Variants in HECW2 observed in about 807,000 individuals in gnomAD.
HECW2 encodes E3 ubiquitin-protein ligase HECW2.
HECW2 carries 61 observed loss-of-function variants against 175.2 expected under a neutral mutation model. The observed-to-expected ratio is 0.35, with a 90% CI of 0.28 to 0.43. The LOEUF (loss-of-function observed/expected upper bound fraction) is 0.43, where lower values mean the gene tolerates loss of function less well. Among genes scored for constraint, HECW2 ranks in the 20% least tolerant of loss-of-function variants. HECW2 has a pLI of 1.00. For missense variants in HECW2, 1,524 were observed against 2,000.5 expected (o/e 0.76, Z 4.54); for synonymous variants, 671 against 731.0 (o/e 0.92, Z 1.32).
intron 1 of HECW2, among the ~76,000 whole-genome samples, chr2:196,511,960 G>A (rs1344512387): frequency 6.6e-6 from 1 of 152,206 alleles, no homozygotes; most frequent in African/African-American, 2.4e-5. Flanking sequence ...GTTTTAGATG[G>A]TGTCCCTCAC....
intron 28 of HECW2, among the ~76,000 whole-genome samples, chr2:196,212,443 A>G (rs2105791665): frequency 6.6e-6 from 1 of 152,164 alleles, no homozygotes; most frequent in South Asian, 2.1e-4. Context: ...GAGAAGATGT[A>G]GTATTTGGTT....
At chr2:196,296,105 T>C (rs1314536846) in intron 13 of HECW2, among the ~76,000 whole-genome samples, 1 of 152,250 alleles carries the variant, frequency 6.6e-6, no homozygotes, top group African/African-American at 2.4e-5. Flanking sequence ...TAACTTCATA[T>C]GTTTATGCAA....
intron 10 of HECW2, chr2:196,316,523 C>T (rs1013776374): frequency 6.6e-6 from 1 of 152,106 alleles, no homozygotes; most frequent in Non-Finnish European, 1.5e-5. Context: ...GTTTACCAGG[C>T]TTTATCAATA....
intron 4 of HECW2, chr2:196,331,039 G>C: frequency 1.9e-6 from 1 of 517,720 alleles, no homozygotes; most frequent in Non-Finnish European, 2.5e-6. Context: ...AAGCAAAGTT[G>C]AGAAATTCCA....
Position 196,348,302 on chromosome 2 carries a change from T to C in HECW2, c.293-4538A>G, listed in dbSNP as rs967328748. ...TTCTTTTTTATCCTCATTTAGTACC[T>C]GTATGAGGTGATTTGGTTTTTTCAA... On this transcript the variant is annotated intron_variant, in intron 2 of 28. Transcript: ENST00000644978. Among the ~76,000 whole-genome samples the C allele has an allele frequency of 3.3e-5, 5 of 152,216 alleles. No homozygotes were observed. In the East Asian group the frequency reaches 9.7e-4, roughly 29 times the overall value.
At chr2:196,488,445 T>G (rs1378744193) in intron 1 of HECW2, among the ~76,000 whole-genome samples, 1 of 152,208 alleles carries the variant, frequency 6.6e-6, no homozygotes, top group Non-Finnish European at 1.5e-5. Flanking sequence ...ACTAACTGAA[T>G]GACAATGAGC....
intron 15 of HECW2, among the ~76,000 whole-genome samples, chr2:196,276,677 T>A (rs111913017): frequency 8.5e-5 from 13 of 152,308 alleles, no homozygotes; most frequent in African/African-American, 2.9e-4. Flanking sequence ...CACTAATGGG[T>A]TACATGACAG....
chr2:196,340,218 A>T (rs1256892930), intron 3 of HECW2, among the ~76,000 whole-genome samples: 2 of 152,216 alleles, frequency 1.3e-5, no homozygotes, highest in South Asian at 2.1e-4. Context: ...TTTAAAAAAA[A>T]GTTCCATGCA....
Position 196,301,530 on chromosome 2 carries a change from C to G in HECW2, c.2814+4958G>C, listed in dbSNP as rs539568827. Among the ~76,000 whole-genome samples the G allele has an allele frequency of 5.3e-5, 8 of 152,164 alleles. No individual in the cohort carries two copies. The South Asian group carries it at 1.7e-3, about 32-fold the overall frequency. ...GCATTTCTTTATCTCTGTAACTTCGCCAGCATCTGTTGTGTTCTTACTTTT... is the reference window on the plus strand; with the variant it reads ...GCATTTCTTTATCTCTGTAACTTCGGCAGCATCTGTTGTGTTCTTACTTTT... On this transcript the variant is annotated intron_variant, in intron 13 of 28. Transcript: ENST00000644978.
At chr2:196,388,998 T>TAGCCTTTATAG (rs993692387) in intron 2 of HECW2, among the ~76,000 whole-genome samples, 4 of 152,304 alleles carry the variant, frequency 2.6e-5, no homozygotes, top group African/African-American at 9.6e-5. Context: ...CTCTACAGGA[T>TAGCCTTTATAG]AGCCTTTATA....
chr2:196,278,832 T>C, intron 14 of HECW2, 170 bp from the exon 15 acceptor site: 1 of 662,768 alleles, frequency 1.5e-6, no homozygotes, highest in African/African-American at 1.8e-5. Context: ...ACAGATCAGA[T>C]TAGAGAAAGC....
Position 196,200,126 on chromosome 2 carries a change from A to G in HECW2, c.*1151T>C, listed in dbSNP as rs533778213. 6.5e-6 allele frequency: 1 copy of G among 152,752 alleles called. No individual in the cohort carries two copies. Among genetic ancestry groups the G allele is most frequent in the Non-Finnish European group, 1.5e-5 (1 of 68,010 alleles). 9.5% of individuals were successfully genotyped at this position (152,752 alleles called of 1,614,324 possible). On this transcript the variant is annotated 3_prime_UTR_variant, in exon 29 of 29. Coordinates refer to ENST00000644978, the MANE Select transcript of HECW2 (RefSeq NM_001348768.2). Reference sequence around the variant, plus strand: ...AGTCTAATGCATTTTAAATAAATGCATATCATACTATCACATATAGTGAAT... The same window carrying G: ...AGTCTAATGCATTTTAAATAAATGCGTATCATACTATCACATATAGTGAAT...
At chr2:196,523,412 C>G (rs532588765) in intron 1 of HECW2, among the ~76,000 whole-genome samples, 4,818 of 151,848 alleles carry the variant, frequency 0.032, 89 homozygotes, top group Middle Eastern at 0.078. Flanking sequence ...ACAATCATGC[C>G]GTCTGCAAAC....
chr2:196,231,992 A>G (rs1688076725), intron 21 of HECW2, among the ~76,000 whole-genome samples: 1 of 152,178 alleles, frequency 6.6e-6, no homozygotes, highest in Non-Finnish European at 1.5e-5. Context: ...CTTTGTATCA[A>G]ATAAAAAAAA....
At position 196,201,385 on chromosome 2, in the gene HECW2, C is replaced by A. The variant is rs201876250; in HGVS notation, c.4611G>T (p.Ala1537=). 1 of 1,607,876 alleles carries A rather than the reference C, an allele frequency of 6.2e-7. No individual in the cohort carries two copies. The highest frequency in any genetic ancestry group is 8.5e-7 in the Non-Finnish European group (1 of 1,174,626). ...GATCCAGACGGTTAAAACATGTATG[C>A]GCTCTGAAAACACAAGAAACAGCAC... ...KWGKITALPR[A]HTCFNRLDLP... The change falls in exon 29 of 29, where the codon GCG becomes GCT. Residue 1537 remains alanine (A), a synonymous_variant. Transcript: ENST00000644978.
intron 2 of HECW2, among the ~76,000 whole-genome samples, chr2:196,427,340 AC>A (rs1661670629): frequency 1.3e-5 from 2 of 152,124 alleles, no homozygotes; most frequent in Non-Finnish European, 2.9e-5. Flanking sequence ...CTTAATGTGC[AC>A]TTTCGTAGTT....
At chr2:196,220,731 T>TA (rs1687635302) in intron 25 of HECW2, 64 bp downstream of exon 25, 22 of 1,514,054 alleles carry the variant, frequency 1.5e-5, no homozygotes, top group Non-Finnish European at 1.9e-5. Flanking sequence ...TAAAGTACAA[T>TA]AAGATGGACT....
At chr2:196,225,912 A>T (rs1687831977) in intron 22 of HECW2, 42 bp from the exon 23 acceptor site, 1 of 1,253,584 alleles carries the variant, frequency 8.0e-7, no homozygotes, top group African/African-American at 1.5e-5. Flanking sequence ...GTCATGGAGC[A>T]GTTTCTAGGT....
chr2:196,434,048 T>A (rs571649860), intron 1 of HECW2, among the ~76,000 whole-genome samples: 8 of 152,112 alleles, frequency 5.3e-5, no homozygotes, highest in African/African-American at 1.9e-4. Flanking sequence ...CTTTCTTGAT[T>A]TTTCTCTATA....
Sources: allele counts gnomAD v4.1 joint callset (sites outside exome capture counted in the v4.1 genomes callset), GRCh38; gene constraint gnomAD v4.1.1; transcripts MANE v1.5; gene names NCBI Gene and HGNC (gene_info 2026-07-23, HGNC 2026-07-21).